The following TMEM108 variants were observed in gnomAD, a reference collection of about 807,000 sequenced individuals.
TMEM108 encodes cancer/testis antigen 124.
Under a neutral mutation model 35.1 loss-of-function variants are expected in TMEM108, and 12 were observed. The observed-to-expected ratio is 0.34, with a 90% CI of 0.22 to 0.55. TMEM108 has a LOEUF of 0.55. Among genes scored for constraint, TMEM108 ranks in the 20% least tolerant of loss-of-function variants. The pLI is 0.89. For missense variants in TMEM108, 680 were observed against 753.3 expected (o/e 0.90, Z 1.14); for synonymous variants, 287 against 308.6 (o/e 0.93, Z 0.73).
intron 2 of TMEM108, among the ~76,000 whole-genome samples, chr3:133,090,868 T>C (rs1054650693): frequency 6.6e-6 from 1 of 152,200 alleles, no homozygotes; most frequent in Admixed American, 6.5e-5. Flanking sequence ...TATTCTATTA[T>C]ATGGAGCTCC....
Position 133,380,834 on chromosome 3 carries a change from A to G in TMEM108, c.1123A>G (p.Ile375Val). 1.9e-6 allele frequency: 3 copies of G among 1,614,052 alleles called. No homozygotes were observed. The highest frequency in any genetic ancestry group is 2.5e-6 in the Non-Finnish European group (3 of 1,179,994). Residue 375 changes from isoleucine to valine, a missense_variant, in exon 4 of 6, where the codon ATT becomes GTT. Ile to Val is a conservative substitution (Grantham distance 29). This residue lies in a region of TMEM108 where 526 missense variants were observed against 532.1 expected (regional missense o/e 0.99). Coordinates refer to ENST00000321871, the MANE Select transcript of TMEM108 (RefSeq NM_023943.4). This position sits in a 1 kb window ranked among gnomAD's most constrained non-coding sequence, Gnocchi z 5.3. Reference protein sequence around the residue: ...DTSVSAPSQGIPQGASTTPQA... With the variant: ...DTSVSAPSQGVPQGASTTPQA... ...CAGTGTCTCAGCCCCTTCCCAGGGG[A>G]TTCCTCAGGGAGCATCCACAACCCC...
intron 2 of TMEM108, among the ~76,000 whole-genome samples, chr3:133,207,428 C>G (rs1945773766): frequency 6.6e-6 from 1 of 152,078 alleles, no homozygotes; most frequent in African/African-American, 2.4e-5. Context: ...TCCTGTTTGG[C>G]CATCTTGCCA....
At chr3:133,187,226 T>G (rs1405255165) in intron 2 of TMEM108, among the ~76,000 whole-genome samples, 1 of 152,240 alleles carries the variant, frequency 6.6e-6, no homozygotes, top group Non-Finnish European at 1.5e-5. Flanking sequence ...TTTTAATATG[T>G]AAACTAGAAG....
At chr3:133,196,527 A>T (rs1945580139) in intron 2 of TMEM108, among the ~76,000 whole-genome samples, 4 of 152,234 alleles carry the variant, frequency 2.6e-5, no homozygotes, top group African/African-American at 9.6e-5. Context: ...TTACATGTTT[A>T]TACCTCTTTT....
chr3:133,279,660 A>G (rs1946885651), intron 3 of TMEM108, among the ~76,000 whole-genome samples: 1 of 152,218 alleles, frequency 6.6e-6, no homozygotes, highest in South Asian at 2.1e-4. Flanking sequence ...GACATGGTAG[A>G]TGGCTGCCTA....
chr3:133,206,517 T>A (rs1945756879), intron 2 of TMEM108, among the ~76,000 whole-genome samples: 1 of 152,182 alleles, frequency 6.6e-6, no homozygotes, highest in Admixed American at 6.5e-5. Context: ...GTTGATGCTA[T>A]TCCTTTCCGT....
intron 3 of TMEM108, among the ~76,000 whole-genome samples, chr3:133,240,970 A>C (rs1304025161): frequency 1.3e-5 from 2 of 152,186 alleles, no homozygotes; most frequent in Admixed American, 1.3e-4. Context: ...GGTAGTCTAG[A>C]TGTCCTCACC....
chr3:133,282,185 C>T (rs1418307189), intron 3 of TMEM108, among the ~76,000 whole-genome samples: 1 of 152,144 alleles, frequency 6.6e-6, no homozygotes, highest in Non-Finnish European at 1.5e-5. Context: ...TAAAATAAGA[C>T]AAAGACAAAA....
At chr3:133,278,212 A>G (rs1946864422) in intron 3 of TMEM108, among the ~76,000 whole-genome samples, 1 of 152,250 alleles carries the variant, frequency 6.6e-6, no homozygotes, top group African/African-American at 2.4e-5. Context: ...AGAGAAAAAA[A>G]TGTCTGGAGC....
chr3:133,135,236 C>G (rs1944549021), intron 2 of TMEM108, among the ~76,000 whole-genome samples: 2 of 150,674 alleles, frequency 1.3e-5, no homozygotes, highest in African/African-American at 4.9e-5. Flanking sequence ...TAATAGCAAA[C>G]TCCGTAATAG....
intron 2 of TMEM108, among the ~76,000 whole-genome samples, chr3:133,198,238 G>C (rs1050908097): frequency 6.6e-6 from 1 of 152,138 alleles, no homozygotes; most frequent in African/African-American, 2.4e-5. Context: ...TCCCACCCTA[G>C]GATTATGTGG....
At chr3:133,094,226 A>ACCCCCCT (rs1943983823) in intron 2 of TMEM108, among the ~76,000 whole-genome samples, 1 of 17,966 alleles carries the variant, frequency 5.6e-5, no homozygotes, top group African/African-American at 1.8e-4. Flanking sequence ...CTCCCACCCC[A>ACCCCCCT]CCCCCCACCC....
intron 3 of TMEM108, among the ~76,000 whole-genome samples, chr3:133,370,036 G>T (rs975892070): frequency 1.1e-4 from 16 of 151,730 alleles, no homozygotes; most frequent in Non-Finnish European, 1.9e-4. Context: ...TAGATGCCTT[G>T]TTTCTACTTT....
intron 3 of TMEM108, among the ~76,000 whole-genome samples, chr3:133,231,606 A>G (rs1443125376): frequency 6.6e-6 from 1 of 152,182 alleles, no homozygotes; most frequent in African/African-American, 2.4e-5. Context: ...AATAATACGC[A>G]TGCCACATTG....
intron 3 of TMEM108, among the ~76,000 whole-genome samples, chr3:133,340,842 A>G (rs983175895): frequency 4.0e-5 from 6 of 151,878 alleles, no homozygotes; most frequent in African/African-American, 1.4e-4. Context: ...ATGATGCTAA[A>G]AAAGCATTCA....
chr3:133,068,239 A>G (rs1407843598), intron 2 of TMEM108, among the ~76,000 whole-genome samples: 3 of 152,208 alleles, frequency 2.0e-5, no homozygotes, highest in East Asian at 1.9e-4. Flanking sequence ...GGTGTGGCCA[A>G]GGAAGGCCTC....
intron 2 of TMEM108, among the ~76,000 whole-genome samples, chr3:133,125,554 G>A (rs9870361): frequency 6.6e-6 from 1 of 152,026 alleles, no homozygotes; most frequent in Non-Finnish European, 1.5e-5. Context: ...ACAATTTGGG[G>A]GGTAGGTGGG....
intron 2 of TMEM108, among the ~76,000 whole-genome samples, chr3:133,186,638 T>C (rs1440638792): frequency 6.6e-6 from 1 of 152,230 alleles, no homozygotes; most frequent in Non-Finnish European, 1.5e-5. Context: ...CATTGATTTG[T>C]GTCATTGTCC....
At chr3:133,186,879 A>G (rs972926655) in intron 2 of TMEM108, among the ~76,000 whole-genome samples, 1 of 152,102 alleles carries the variant, frequency 6.6e-6, no homozygotes, top group Admixed American at 6.5e-5. Context: ...CACATATGTG[A>G]ATGTGTGTGT....
Sources: allele counts gnomAD v4.1 joint callset (sites outside exome capture counted in the v4.1 genomes callset), GRCh38; gene constraint gnomAD v4.1.1; regional missense constraint gnomAD v4.1.1; non-coding constraint Gnocchi (gnomAD v3.1); transcripts MANE v1.5; gene names NCBI Gene and HGNC (gene_info 2026-07-23, HGNC 2026-07-21).